Variants in ABCC11 observed in about 807,000 individuals in gnomAD.
ABCC11 encodes ATP binding cassette subfamily C member 11.
In ABCC11, 135 loss-of-function variants were observed where a neutral mutation model predicts 149.3. That is an observed-to-expected ratio of 0.90 (90% CI 0.79 to 1.04). ABCC11 has a LOEUF of 1.04. Ranked by LOEUF, ABCC11 falls within the 50% of genes least tolerant of loss-of-function variation. The pLI, the probability that ABCC11 is intolerant of heterozygous loss-of-function variation, is 0.00. For synonymous variants in ABCC11, 665 were observed against 671.4 expected (o/e 0.99, Z 0.15); for missense variants, 1,680 against 1,722.1 (o/e 0.98, Z 0.43).
chr16:48,170,719 G>C (rs1965661839), intron 27 of ABCC11, among the ~76,000 whole-genome samples, 170 bp downstream of exon 27: 1 of 152,206 alleles, frequency 6.6e-6, no homozygotes, highest in Non-Finnish European at 1.5e-5. Flanking sequence ...TGGTGTCTGA[G>C]TGCCATCAGC....
chr16:48,170,345 T>C (rs1451039553), intron 27 of ABCC11, 127 bp from the exon 28 acceptor site: 1 of 746,378 alleles, frequency 1.3e-6, no homozygotes. Flanking sequence ...AGCCTCTGTT[T>C]TCTTGCTCCT....
At chr16:48,231,473 G>C (rs906024911) in intron 2 of ABCC11, among the ~76,000 whole-genome samples, 4 of 151,932 alleles carry the variant, frequency 2.6e-5, no homozygotes, top group Admixed American at 1.3e-4. Context: ...ACAAGCCTGG[G>C]CAACATAGGG....
At chr16:48,219,239 A>G (rs28571687) in intron 6 of ABCC11, among the ~76,000 whole-genome samples, 21,561 of 146,952 alleles carry the variant, frequency 0.15, 2,049 homozygotes, top group African/African-American at 0.28. Context: ...GTACAATCTC[A>G]GCTCACTGCA....
At chr16:48,214,442 T>C (rs546642762) in intron 9 of ABCC11, among the ~76,000 whole-genome samples, 1 of 152,210 alleles carries the variant, frequency 6.6e-6, no homozygotes, top group African/African-American at 2.4e-5. Flanking sequence ...CCCTGTCTTA[T>C]TCTGCTCAAA....
At chr16:48,213,212 G>A (rs905663980) in intron 10 of ABCC11, among the ~76,000 whole-genome samples, 14 of 152,246 alleles carry the variant, frequency 9.2e-5, no homozygotes, top group Admixed American at 2.6e-4. Context: ...ATCTGTCTGA[G>A]ACCTGGTTTG....
At chr16:48,210,473 A>G (rs1477852949) in intron 11 of ABCC11, 1 of 158,376 alleles carries the variant, frequency 6.3e-6, no homozygotes, top group Non-Finnish European at 1.4e-5. Flanking sequence ...AGGTATCAAT[A>G]TCTACATTAA....
At chr16:48,174,801 GT>G (rs1350809630) in intron 26 of ABCC11, among the ~76,000 whole-genome samples, 1 of 152,138 alleles carries the variant, frequency 6.6e-6, no homozygotes, top group African/African-American at 2.4e-5. Context: ...TTTTGTTTCT[GT>G]TTTTTGTTTG....
chr16:48,209,362 G>A lies in ABCC11; in HGVS notation c.1609-866C>T, dbSNP rs1968718409. 1.3e-5 allele frequency: 2 copies of A among 152,294 alleles called. 1 individual carries two copies. The highest frequency in any genetic ancestry group is 4.1e-4 in the South Asian group (2 of 4,830). 9.4% of individuals were successfully genotyped at this position (152,294 alleles called of 1,614,324 possible). The stretch of plus-strand genomic sequence containing the variant: ...TTTTGGCACCAGGGACCAGTTTCAT[G>A]GAAGACAATTTTTCCACCAACTGAG... On this transcript the variant is annotated intron_variant, in intron 11 of 29. Transcript: ENST00000356608.
chr16:48,243,986 T>C (rs1180994026), intron 1 of ABCC11, among the ~76,000 whole-genome samples: 1 of 127,944 alleles, frequency 7.8e-6, no homozygotes, highest in Non-Finnish European at 1.7e-5. Context: ...AGCGAGAATC[T>C]GTCTCAGAAT....
At chr16:48,170,846 C>A (rs760179320) in intron 27 of ABCC11, 43 bp downstream of exon 27, 1 of 1,552,306 alleles carries the variant, frequency 6.4e-7, no homozygotes, top group Non-Finnish European at 8.9e-7. Flanking sequence ...CCCCCATGGG[C>A]GATGCAGACT....
intron 4 of ABCC11, 94 bp downstream of exon 4, chr16:48,227,712 G>C (rs1045406449): frequency 1.3e-6 from 2 of 1,547,058 alleles, no homozygotes; most frequent in African/African-American, 2.7e-5. Flanking sequence ...CGTCTGGCAT[G>C]GCCCCTCCCT....
intron 20 of ABCC11, among the ~76,000 whole-genome samples, chr16:48,187,960 C>A (rs912508974): frequency 1.3e-5 from 2 of 152,110 alleles, no homozygotes; most frequent in African/African-American, 4.8e-5. Context: ...ACAGGCCCAC[C>A]AGTGTGTCGT....
In ABCC11 at chr16:48,175,377, C is replaced by T. The variant is rs756104102; in HGVS notation, c.3579G>A (p.Glu1193=). The change falls in exon 26 of 30, where the codon GAG becomes GAA. Residue 1193 remains glutamate (E), a synonymous_variant. Coordinates refer to ENST00000356608, the MANE Select transcript of ABCC11 (RefSeq NM_001370497.1). ...SLGMALFRLV[E]PMAGRILIDG... ...CAATGAGAATCCGGCCTGCCATGGG[C>T]TCCACCAGGCGGAAGAGAGCCATGC... 3.7e-6 allele frequency: 6 copies of T among 1,613,666 alleles called. No homozygotes were observed. The highest frequency in any genetic ancestry group is 2.2e-5 in the East Asian group (1 of 44,862).
chr16:48,191,009 G>A (rs1966882021), intron 20 of ABCC11, among the ~76,000 whole-genome samples: 1 of 152,194 alleles, frequency 6.6e-6, no homozygotes, highest in South Asian at 2.1e-4. Flanking sequence ...GGAGTTTGAG[G>A]GTAGGGAGGG....
At chr16:48,185,432 TCA>T (rs1378928093) in intron 22 of ABCC11, among the ~76,000 whole-genome samples, 1 of 152,226 alleles carries the variant, frequency 6.6e-6, no homozygotes, top group East Asian at 1.9e-4. Context: ...CATACCACCA[TCA>T]CAGTTTTCCA....
chr16:48,192,993 T>C (rs968351167), intron 19 of ABCC11, among the ~76,000 whole-genome samples: 3 of 152,136 alleles, frequency 2.0e-5, no homozygotes, highest in Non-Finnish European at 1.5e-5. Flanking sequence ...GGGAACGTGA[T>C]TTCCCAGAAC....
At chr16:48,225,104 C>T (rs971700546) in intron 4 of ABCC11, among the ~76,000 whole-genome samples, 9 of 149,200 alleles carry the variant, frequency 6.0e-5, no homozygotes, top group African/African-American at 1.7e-4. Flanking sequence ...CCCAGCTACT[C>T]GGGAGGCTGA....
rs201219434 is a variant in ABCC11 at position 48,178,481 on chromosome 16, C to G, written c.3348+116G>C. 5 of 915,892 alleles carry G rather than the reference C, an allele frequency of 5.5e-6. No homozygotes were observed. The Admixed American group carries it at 9.5e-5, about 17-fold the overall frequency. 56.7% of individuals were successfully genotyped at this position (915,892 alleles called of 1,614,324 possible). ...GAAGACAGGGAGGAAAGGCCAGGAG[C>G]CTGGTGTTTCCTGGGATGGTCTCAG... is the stretch of plus-strand genomic sequence containing the variant. On this transcript the variant is annotated intron_variant, in intron 24 of 29. Coordinates refer to ENST00000356608, the MANE Select transcript of ABCC11 (RefSeq NM_001370497.1).
chr16:48,227,941 T>G lies in ABCC11; in HGVS notation c.260A>C (p.Asp87Ala), dbSNP rs769889661. The G allele has an allele frequency of 6.2e-6, 10 of 1,613,396 alleles. No individual in the cohort carries two copies. Among genetic ancestry groups the G allele is most frequent in the Non-Finnish European group, 8.5e-6 (10 of 1,179,666 alleles). Residue 87 changes from aspartate (D) to alanine (A), a missense_variant, in exon 4 of 30, where the codon GAC (aspartate) becomes GCC (alanine). Transcript: ENST00000356608. ...KPRFPAPQPL[D>A]NAGLFSYLTV... ...GAGGTAGGAGAACAGGCCAGCATTGTCCAGGGGCTGGGGGGCAGGAAACCT... is the reference window on the plus strand; with the variant it reads ...GAGGTAGGAGAACAGGCCAGCATTGGCCAGGGGCTGGGGGGCAGGAAACCT...
Sources: allele counts gnomAD v4.1 joint callset (sites outside exome capture counted in the v4.1 genomes callset), GRCh38; gene constraint gnomAD v4.1.1; transcripts MANE v1.5; gene names NCBI Gene and HGNC (gene_info 2026-07-23, HGNC 2026-07-21).